The following NOL4 variants were observed in gnomAD, a reference collection of about 807,000 sequenced individuals.
NOL4 encodes nucleolar protein 4.
In NOL4, 17 loss-of-function variants were observed where a neutral mutation model predicts 75.9. That is an observed-to-expected ratio of 0.22 (90% CI 0.15 to 0.34). The LOEUF is 0.34. Ranked by LOEUF, NOL4 falls within the 10% of genes least tolerant of loss-of-function variation. The probability of loss-of-function intolerance (pLI) is 1.00; values close to 1 mark genes in which losing one functional copy is unlikely to be tolerated. For synonymous variants in NOL4, 292 were observed against 289.9 expected (o/e 1.01, Z -0.07); for missense variants, 614 against 793.5 (o/e 0.77, Z 2.72).
At chr18:34,190,757 T>C (rs568426791) in intron 1 of NOL4, among the ~76,000 whole-genome samples, 41 of 151,842 alleles carry the variant, frequency 2.7e-4, no homozygotes, top group Admixed American at 2.6e-3. Context: ...TTACCAATAA[T>C]TTAAATTATG....
At chr18:33,857,911 G>C (rs1020802114) in intron 10 of NOL4, among the ~76,000 whole-genome samples, 1 of 151,980 alleles carries the variant, frequency 6.6e-6, no homozygotes, top group East Asian at 1.9e-4. Flanking sequence ...TATTGAATTA[G>C]TTTTTTTGCA....
At chr18:34,041,518 A>G (rs1325138327) in intron 5 of NOL4, among the ~76,000 whole-genome samples, 1 of 151,738 alleles carries the variant, frequency 6.6e-6, no homozygotes, top group Non-Finnish European at 1.5e-5. Flanking sequence ...AAATGAAAAA[A>G]AAAAGCCACT....
intron 2 of NOL4, among the ~76,000 whole-genome samples, chr18:34,116,235 A>G (rs1302130995): frequency 6.6e-6 from 1 of 152,128 alleles, no homozygotes. Flanking sequence ...CACCTGCAGA[A>G]AGCTCAATGA....
chr18:33,991,403 A>G (rs2072906094), intron 6 of NOL4, among the ~76,000 whole-genome samples: 2 of 152,130 alleles, frequency 1.3e-5, no homozygotes, highest in African/African-American at 4.8e-5. Flanking sequence ...AAATAAACTA[A>G]ATGTTTTTAT....
At chr18:34,216,714 T>C (rs996374201) in intron 1 of NOL4, among the ~76,000 whole-genome samples, 1 of 151,042 alleles carries the variant, frequency 6.6e-6, no homozygotes, top group African/African-American at 2.4e-5. Context: ...GAAGTGAAAA[T>C]ATGCTTCTCA....
chr18:34,097,622 A>G (rs2078849684), intron 4 of NOL4, among the ~76,000 whole-genome samples: 1 of 152,172 alleles, frequency 6.6e-6, no homozygotes, highest in African/African-American at 2.4e-5. Flanking sequence ...TAAGACCTGA[A>G]TTTTTAGTTT....
At chr18:34,183,759 T>C (rs1303408501) in intron 1 of NOL4, 3 of 151,830 alleles carry the variant, frequency 2.0e-5, no homozygotes, top group Non-Finnish European at 2.9e-5. Flanking sequence ...CATATAACTT[T>C]CTGGAAAAGG....
At chr18:34,111,233 T>C (rs908825238) in intron 2 of NOL4, among the ~76,000 whole-genome samples, 3 of 152,222 alleles carry the variant, frequency 2.0e-5, no homozygotes, top group African/African-American at 7.2e-5. Context: ...GAGGGAATTA[T>C]TTGCAAACCA....
At chr18:34,023,680 A>T (rs1001148578) in intron 5 of NOL4, 4 of 288,232 alleles carry the variant, frequency 1.4e-5, no homozygotes, top group African/African-American at 8.6e-5. Flanking sequence ...GTGGAATGTG[A>T]TGACAAGGAA....
At position 34,044,266 on chromosome 18, in the gene NOL4, T is replaced by C. The variant is rs188256246; in HGVS notation, c.773-24665A>G. Among the ~76,000 whole-genome samples, 97 of 152,160 alleles carry C rather than the reference T, an allele frequency of 6.4e-4. 1 individual carries two copies. The highest frequency in any genetic ancestry group is 6.2e-3 in the Admixed American group (95 of 15,246). On this transcript the variant is annotated intron_variant, in intron 5 of 10. Transcript: ENST00000261592. ...TTTCAGGACCACAATGATATAAAATTATAGCAATTATCCATATGAAAAGAA... is the reference window on the plus strand; with the variant it reads ...TTTCAGGACCACAATGATATAAAATCATAGCAATTATCCATATGAAAAGAA...
intron 6 of NOL4, among the ~76,000 whole-genome samples, chr18:33,974,920 T>G (rs1311307268): frequency 6.6e-6 from 1 of 152,208 alleles, no homozygotes; most frequent in Non-Finnish European, 1.5e-5. Context: ...GCAATTCAAC[T>G]GTCCATGGCT....
At chr18:34,219,958 G>C (rs1225645881) in intron 1 of NOL4, among the ~76,000 whole-genome samples, 1 of 152,212 alleles carries the variant, frequency 6.6e-6, no homozygotes, top group Non-Finnish European at 1.5e-5. Context: ...CTCAGGTTTA[G>C]ACATGACCAG....
chr18:34,213,831 CA>C (rs1568457009), intron 1 of NOL4, among the ~76,000 whole-genome samples: 2 of 152,062 alleles, frequency 1.3e-5, no homozygotes, highest in Non-Finnish European at 2.9e-5. Flanking sequence ...GGTATAAAAT[CA>C]AAGAAGTATA....
intron 5 of NOL4, among the ~76,000 whole-genome samples, chr18:34,080,228 C>T (rs562905985): frequency 7.2e-5 from 11 of 152,154 alleles, no homozygotes; most frequent in Non-Finnish European, 1.5e-4. Flanking sequence ...CAAACTGTAG[C>T]CACTGCTAGA....
intron 9 of NOL4, among the ~76,000 whole-genome samples, chr18:33,895,866 C>T (rs1599782052): frequency 6.6e-6 from 1 of 152,056 alleles, no homozygotes; most frequent in African/African-American, 2.4e-5. Context: ...TTCAAACTAA[C>T]TCTGTTTGCA....
chr18:34,215,272 G>A (rs1186973680), intron 1 of NOL4, among the ~76,000 whole-genome samples: 1 of 152,080 alleles, frequency 6.6e-6, no homozygotes, highest in Non-Finnish European at 1.5e-5. Context: ...ATAAGAAGCT[G>A]TTGTATAATG....
chr18:34,131,151 A>G (rs796572020), intron 1 of NOL4, among the ~76,000 whole-genome samples: 76 of 151,834 alleles, frequency 5.0e-4, no homozygotes, highest in African/African-American at 1.7e-3. Flanking sequence ...TAACATAGCC[A>G]TTAACCCCAG....
chr18:34,042,589 T>C (rs2076187450), intron 5 of NOL4, among the ~76,000 whole-genome samples: 1 of 152,148 alleles, frequency 6.6e-6, no homozygotes, highest in African/African-American at 2.4e-5. Context: ...GAAAAAGAAA[T>C]GTGACCAGTA....
intron 2 of NOL4, among the ~76,000 whole-genome samples, chr18:34,117,514 T>G (rs1319892248): frequency 6.6e-6 from 1 of 152,218 alleles, no homozygotes; most frequent in Admixed American, 6.5e-5. Context: ...GTGACCTTTC[T>G]GAATACAAGG....
Sources: allele counts gnomAD v4.1 joint callset (sites outside exome capture counted in the v4.1 genomes callset), GRCh38; gene constraint gnomAD v4.1.1; transcripts MANE v1.5; gene names NCBI Gene and HGNC (gene_info 2026-07-23, HGNC 2026-07-21).